The following DRC11 variants were observed in gnomAD, a reference collection of about 807,000 sequenced individuals.
DRC11 encodes the protein dynein regulatory complex subunit 11.
At chr2:236,450,448 T>C in the DRC11 span, among the ~76,000 whole-genome samples, 3 of 151,292 alleles carry the variant, frequency 2.0e-5, no homozygotes, top group Admixed American at 2.0e-4. Flanking sequence ...GCCTCCCGAG[T>C]ACCTGGGACT....
chr2:236,333,536 G>A, the DRC11 span, among the ~76,000 whole-genome samples: 2 of 152,156 alleles, frequency 1.3e-5, no homozygotes, highest in Admixed American at 6.5e-5. This position sits in a 1 kb window ranked among gnomAD's most constrained non-coding sequence, Gnocchi z 6.0. Flanking sequence ...ATTTATGGGA[G>A]AGTCACAGGT....
At chr2:236,357,599 GTAAATATATATTTA>G in the DRC11 span, among the ~76,000 whole-genome samples, 4 of 121,836 alleles carry the variant, frequency 3.3e-5, no homozygotes, top group East Asian at 2.3e-4. Context: ...ATGCATTTAT[GTAAATATATATTTA>G]TAAATATATA....
chr2:236,477,729 T>C, the DRC11 span, among the ~76,000 whole-genome samples: 1 of 152,212 alleles, frequency 6.6e-6, no homozygotes, highest in Non-Finnish European at 1.5e-5. Context: ...CATTGGTCTG[T>C]TCAGGTTTTC....
At chr2:236,435,019 C>T in the DRC11 span, among the ~76,000 whole-genome samples, 1 of 152,120 alleles carries the variant, frequency 6.6e-6, no homozygotes, top group South Asian at 2.1e-4. Flanking sequence ...GGGAGGAGTC[C>T]TCTAGAGGGC....
chr2:236,353,454 G>T, the DRC11 span, among the ~76,000 whole-genome samples: 5 of 152,096 alleles, frequency 3.3e-5, no homozygotes, highest in Non-Finnish European at 7.3e-5. This position sits in a 1 kb window ranked among gnomAD's most constrained non-coding sequence, Gnocchi z 5.0. Context: ...TAGATTCTCA[G>T]GGGATAATGG....
chr2:236,361,219 A>C, the DRC11 span, among the ~76,000 whole-genome samples: 2 of 152,224 alleles, frequency 1.3e-5, no homozygotes, highest in African/African-American at 2.4e-5. The surrounding 1 kb of genome is among the most constrained non-coding windows in gnomAD (Gnocchi z 5.7). Context: ...GCTAGAACTG[A>C]AAAGCAAAAG....
At chr2:236,397,740 C>T in the DRC11 span, among the ~76,000 whole-genome samples, 7 of 152,302 alleles carry the variant, frequency 4.6e-5, no homozygotes, top group South Asian at 2.1e-4. This position sits in a 1 kb window ranked among gnomAD's most constrained non-coding sequence, Gnocchi z 5.0. Flanking sequence ...GCCAGGCCCA[C>T]GGCCCCACTG....
chr2:236,464,050 T>C, the DRC11 span, among the ~76,000 whole-genome samples: 1 of 152,132 alleles, frequency 6.6e-6, no homozygotes, highest in East Asian at 1.9e-4. Context: ...GCTGACACAA[T>C]GGTCGCTGAC....
the DRC11 span, among the ~76,000 whole-genome samples, chr2:236,489,250 G>C: frequency 7.0e-6 from 1 of 143,804 alleles, no homozygotes; most frequent in Admixed American, 6.9e-5. Context: ...GTGCAGGTGA[G>C]GCCTGTGTGG....
chr2:236,308,112 T>C, the DRC11 span, among the ~76,000 whole-genome samples: 5 of 152,204 alleles, frequency 3.3e-5, no homozygotes, highest in Non-Finnish European at 7.3e-5. The surrounding 1 kb of genome is among the most constrained non-coding windows in gnomAD (Gnocchi z 6.0). Flanking sequence ...TGTGCTTGCT[T>C]TGCCAACTGA....
the DRC11 span, among the ~76,000 whole-genome samples, chr2:236,463,102 C>A: frequency 6.6e-6 from 1 of 152,076 alleles, no homozygotes; most frequent in Non-Finnish European, 1.5e-5. This position sits in a 1 kb window ranked among gnomAD's most constrained non-coding sequence, Gnocchi z 5.0. Flanking sequence ...TTTTAAAGAA[C>A]GAAAGCATTG....
At chr2:236,308,139 G>A in the DRC11 span, among the ~76,000 whole-genome samples, 6 of 152,388 alleles carry the variant, frequency 3.9e-5, no homozygotes, top group African/African-American at 9.6e-5. This position sits in a 1 kb window ranked among gnomAD's most constrained non-coding sequence, Gnocchi z 6.0. Context: ...ACCTGGGAGA[G>A]GGTGGAACCA....
At chr2:236,344,447 C>G in the DRC11 span, 1 of 702,180 alleles carries the variant, frequency 1.4e-6, no homozygotes, top group South Asian at 1.8e-5. Context: ...CCCAGTGTTT[C>G]CTTCCTCGCT....
chr2:236,459,619 A>ATG, the DRC11 span, among the ~76,000 whole-genome samples: 1 of 138,536 alleles, frequency 7.2e-6, no homozygotes, highest in Admixed American at 7.1e-5. Context: ...GTATATAAGT[A>ATG]TATACATACG....
chr2:236,419,393 C>T, the DRC11 span: 1 of 1,393,628 alleles, frequency 7.2e-7, no homozygotes. This position sits in a 1 kb window ranked among gnomAD's most constrained non-coding sequence, Gnocchi z 4.8. Context: ...GGCCCTGGAC[C>T]CTGCAGGCCG....
chr2:236,409,570 T>G, the DRC11 span, among the ~76,000 whole-genome samples: 2 of 152,116 alleles, frequency 1.3e-5, no homozygotes, highest in African/African-American at 4.8e-5. Context: ...ACAATTTGAC[T>G]TCCTCTTTTC....
At chr2:236,319,700 C>G in the DRC11 span, among the ~76,000 whole-genome samples, 2 of 152,120 alleles carry the variant, frequency 1.3e-5, no homozygotes, top group Non-Finnish European at 2.9e-5. The surrounding 1 kb of genome is among the most constrained non-coding windows in gnomAD (Gnocchi z 6.7). Context: ...CTGATTGTAC[C>G]CTCTGTGCCA....
At chr2:236,377,228 G>A in the DRC11 span, 1 of 1,225,054 alleles carries the variant, frequency 8.2e-7, no homozygotes, top group Non-Finnish European at 1.2e-6. The surrounding 1 kb of genome is among the most constrained non-coding windows in gnomAD (Gnocchi z 4.9). Flanking sequence ...CACACACACA[G>A]AAATCGGCGG....
At chr2:236,435,586 T>C in the DRC11 span, among the ~76,000 whole-genome samples, 1 of 152,178 alleles carries the variant, frequency 6.6e-6, no homozygotes, top group Non-Finnish European at 1.5e-5. Flanking sequence ...AAGCATGTCT[T>C]ACATGGTGGT....
Sources: gnomAD v4.1 joint callset for allele counts (sites outside exome capture counted in the v4.1 genomes callset) on GRCh38, gnomAD v4.1.1 for gene constraint, Gnocchi (gnomAD v3.1) non-coding constraint, MANE v1.5 for transcripts, NCBI Gene and HGNC (gene_info 2026-07-23, HGNC 2026-07-21) for gene names.